CCDC191: variants seen among roughly 807,000 people sequenced by gnomAD.
The protein encoded by CCDC191 is coiled-coil domain-containing protein 191.
In CCDC191, 99 loss-of-function variants were observed where a neutral mutation model predicts 114.0. The observed-to-expected ratio is 0.87, with a 90% CI of 0.74 to 1.03. The LOEUF (loss-of-function observed/expected upper bound fraction) is 1.03, where lower values mean the gene tolerates loss of function less well. CCDC191 is among the 50% of genes least tolerant of loss of function. CCDC191 has a pLI of 0.00. For synonymous variants in CCDC191, 351 were observed against 376.0 expected (o/e 0.93, Z 0.77); for missense variants, 973 against 1,087.0 (o/e 0.90, Z 1.47).
intron 10 of CCDC191, 27 bp downstream of exon 10, chr3:114,005,481 C>T (rs2075937202): frequency 1.3e-6 from 2 of 1,570,302 alleles, no homozygotes; most frequent in African/African-American, 2.7e-5. Flanking sequence ...AAAATGAGTC[C>T]AGCGAGTTCT....
chr3:114,034,873 A>G (rs1232531410), intron 6 of CCDC191, 52 bp downstream of exon 6: 3 of 1,514,330 alleles, frequency 2.0e-6, no homozygotes, highest in Non-Finnish European at 2.7e-6. Flanking sequence ...GAGCATTTCT[A>G]AAATGACTGC....
intron 9 of CCDC191, chr3:114,006,163 G>C: frequency 1.5e-6 from 1 of 659,634 alleles, no homozygotes. Context: ...AAAACTGGGA[G>C]AGTGGCCGGC....
chr3:114,003,015 C>G (rs1325610327), intron 11 of CCDC191: 1 of 985,170 alleles, frequency 1.0e-6, no homozygotes, highest in East Asian at 1.1e-4. Context: ...TAACAACAAA[C>G]AAACTAAAGT....
intron 5 of CCDC191, 78 bp downstream of exon 5, chr3:114,036,530 T>G (rs2076485974): frequency 1.3e-5 from 13 of 998,948 alleles, no homozygotes; most frequent in South Asian, 2.8e-5. Context: ...AAAGCCTATG[T>G]CTTTATTTAA....
At position 114,018,796 on chromosome 3, in the gene CCDC191, T is replaced by A; in HGVS notation, c.1045A>T (p.Thr349Ser). The change falls in exon 8 of 17, where the codon ACC becomes TCC. Residue 349 changes from threonine (T) to serine (S), a missense_variant. Physicochemically the swap from Thr to Ser is moderately conservative, Grantham distance 58. Coordinates refer to ENST00000295878, the MANE Select transcript of CCDC191 (RefSeq NM_020817.2). ...AGCTGAATCTTCCAGTCAGACAGGG[T>A]CCCAGCTTTCCCCAGCTTAATCCTA... ...DHRIKLGKAGTLSDWKIQLKV... is the reference protein window; with the variant it reads ...DHRIKLGKAGSLSDWKIQLKV... The A allele has an allele frequency of 6.2e-7, 1 of 1,613,784 alleles. No individual in the cohort carries two copies. Among genetic ancestry groups the A allele is most frequent in the Non-Finnish European group, 8.5e-7 (1 of 1,179,862 alleles).
intron 13 of CCDC191, among the ~76,000 whole-genome samples, chr3:113,988,456 G>A (rs763065532): frequency 4.6e-5 from 7 of 151,558 alleles, no homozygotes; most frequent in Non-Finnish European, 8.8e-5. Flanking sequence ...GCAAAACCTA[G>A]TCTCTACTAA....
intron 7 of CCDC191, among the ~76,000 whole-genome samples, chr3:114,028,156 T>C (rs2076350987): frequency 6.6e-6 from 1 of 152,014 alleles, no homozygotes; most frequent in East Asian, 1.9e-4. Context: ...CCTAAGTAAC[T>C]CTGGAAAACA....
chr3:114,039,179 A>T (rs899577942), intron 4 of CCDC191, among the ~76,000 whole-genome samples: 13 of 152,268 alleles, frequency 8.5e-5, no homozygotes, highest in African/African-American at 3.1e-4. Flanking sequence ...CTACACTTTT[A>T]TCATTATCTT....
chr3:113,992,120 G>A (rs1355624095), intron 13 of CCDC191, among the ~76,000 whole-genome samples: 1 of 152,164 alleles, frequency 6.6e-6, no homozygotes, highest in Non-Finnish European at 1.5e-5. Flanking sequence ...TGGAAGTCCA[G>A]AAGTCCAGCA....
rs1274544847 is a variant in CCDC191 at position 113,964,691 on chromosome 3, G to A, written c.*464C>T. 6.6e-6 allele frequency: 1 copy of A among 152,312 alleles called. No individual in the cohort carries two copies. Among genetic ancestry groups the A allele is most frequent in the Non-Finnish European group, 1.5e-5 (1 of 68,152 alleles). The allele number at this position is 152,312 out of a possible 1,614,324, so 9.4% of individuals were successfully genotyped here. A position where few individuals can be genotyped will look rare whatever the true frequency, so the allele number is the denominator to read the frequency against. On this transcript the variant is annotated 3_prime_UTR_variant, in exon 17 of 17. Transcript: ENST00000295878. ...GCCTTCAGGGGTGGTGAAAGTGGAC[G>A]AGGTCTGGTGGGGTGCGTGTCACTG...
At chr3:114,027,469 C>A (rs1294717776) in intron 7 of CCDC191, among the ~76,000 whole-genome samples, 3 of 151,462 alleles carry the variant, frequency 2.0e-5, no homozygotes, top group Non-Finnish European at 4.4e-5. Context: ...CAAAAATTAG[C>A]TGGGTGTGGT....
At chr3:114,042,677 C>T in intron 4 of CCDC191, 26 bp downstream of exon 4, 1 of 1,514,778 alleles carries the variant, frequency 6.6e-7, no homozygotes. Context: ...GATGTTAAAA[C>T]TTAGAACAAT....
At chr3:113,966,409 A>G (rs1369373760) in intron 16 of CCDC191, among the ~76,000 whole-genome samples, 1 of 152,118 alleles carries the variant, frequency 6.6e-6, no homozygotes, top group Non-Finnish European at 1.5e-5. Flanking sequence ...AGGCTGAAAC[A>G]GGTGACCAGA....
intron 11 of CCDC191, chr3:114,003,455 A>G: frequency 2.0e-6 from 2 of 985,434 alleles, no homozygotes; most frequent in Non-Finnish European, 2.4e-6. Flanking sequence ...CGAGAGTGAA[A>G]TTGTCTCTAA....
chr3:114,033,063 A>G (rs771179502), intron 6 of CCDC191, among the ~76,000 whole-genome samples: 1 of 151,756 alleles, frequency 6.6e-6, no homozygotes, highest in Non-Finnish European at 1.5e-5. Flanking sequence ...AAAACTGGAG[A>G]AGTATAAAAG....
At chr3:114,015,033 C>T (rs982276507) in intron 8 of CCDC191, among the ~76,000 whole-genome samples, 4 of 151,910 alleles carry the variant, frequency 2.6e-5, no homozygotes, top group African/African-American at 9.7e-5. Flanking sequence ...AATGAATGAC[C>T]AAACGAATGA....
At chr3:114,053,235 C>T (rs1252427270) in intron 2 of CCDC191, among the ~76,000 whole-genome samples, 2 of 152,092 alleles carry the variant, frequency 1.3e-5, no homozygotes, top group Non-Finnish European at 2.9e-5. Context: ...TAGTTTTCAC[C>T]CATTAGTCCC....
At chr3:114,035,509 G>A (rs1262399093) in intron 5 of CCDC191, among the ~76,000 whole-genome samples, 2 of 152,162 alleles carry the variant, frequency 1.3e-5, no homozygotes, top group Non-Finnish European at 2.9e-5. Context: ...GGTCATGTCT[G>A]CATTCTAATT....
chr3:113,979,337 C>T (rs114018692), intron 14 of CCDC191, among the ~76,000 whole-genome samples: 1,699 of 152,312 alleles, frequency 0.011, 16 homozygotes, highest in Middle Eastern at 0.034. Flanking sequence ...TCTCAATTTG[C>T]TCTCCTGGAG....
Sources: gnomAD v4.1 joint callset for allele counts (sites outside exome capture counted in the v4.1 genomes callset) on GRCh38, gnomAD v4.1.1 for gene constraint, MANE v1.5 for transcripts, NCBI Gene and HGNC (gene_info 2026-07-23, HGNC 2026-07-21) for gene names.